DACH2: variants seen among roughly 807,000 people sequenced by gnomAD.
DACH2 encodes dachshund family transcription factor 2.
A neutral mutation model predicts 35.8 loss-of-function variants in DACH2; 17 were observed. The ratio of observed to expected loss-of-function variants is 0.48; its 90% CI spans 0.33 to 0.71. DACH2 has a LOEUF of 0.71. DACH2 is among the 30% of genes least tolerant of loss of function. DACH2 has a pLI of 0.02. For synonymous variants in DACH2, 195 were observed against 177.3 expected, an observed-to-expected ratio of 1.10 and a Z score of -0.79; for missense variants, 469 against 472.7, an observed-to-expected ratio of 0.99 and a Z score of 0.07.
intron 1 of DACH2, among the ~76,000 whole-genome samples, chrX:86,202,929 C>A (rs1180392105): frequency 9.0e-6 from 1 of 111,206 alleles, no homozygotes; most frequent in African/African-American, 3.3e-5. Context: ...GTTGTCTAAT[C>A]GGATTGATTA....
At chrX:86,642,738 C>A (rs1395384730) in intron 3 of DACH2, among the ~76,000 whole-genome samples, 4 of 111,459 alleles carry the variant, frequency 3.6e-5, no homozygotes, top group Non-Finnish European at 7.6e-5. Context: ...GGAAAAGAAC[C>A]AAAATCATTC....
intron 2 of DACH2, among the ~76,000 whole-genome samples, chrX:86,429,600 A>C (rs1237059798): frequency 1.0e-5 from 1 of 100,180 alleles, no homozygotes; most frequent in East Asian, 4.1e-4. Context: ...TGGGTCTGTC[A>C]CCCAGGCTGG....
At chrX:86,181,192 T>TATC (rs1299590921) in intron 1 of DACH2, among the ~76,000 whole-genome samples, 1 of 58,065 alleles carries the variant, frequency 1.7e-5, no homozygotes, top group African/African-American at 9.1e-5. Flanking sequence ...ATCTATCTAT[T>TATC]TTTCAAATTA....
At position 86,471,157 on chromosome X, in the gene DACH2, A is replaced by T. The variant is rs182187813; in HGVS notation, c.528-43122A>T. Among the ~76,000 whole-genome samples the T allele has an allele frequency of 3.4e-4, 38 of 111,773 alleles. 1 individual carries two copies. The East Asian group carries it at 0.011, about 32-fold the overall frequency. The stretch of plus-strand genomic sequence containing the variant: ...TCAGTTCATACATTCCTAGCATAAA[A>T]TATTTTATATTATCCTTCAAATATG... On this transcript the variant is annotated intron_variant, in intron 2 of 11. Transcript: ENST00000373125.
chrX:86,645,547 T>C (rs2040405168), intron 3 of DACH2, among the ~76,000 whole-genome samples: 1 of 110,818 alleles, frequency 9.0e-6, no homozygotes, highest in Admixed American at 9.6e-5. Context: ...ATGCTATTAC[T>C]GGGTATATAC....
chrX:86,620,147 A>T (rs768142818), intron 3 of DACH2, among the ~76,000 whole-genome samples: 44 of 112,046 alleles, frequency 3.9e-4, no homozygotes, highest in Non-Finnish European at 7.5e-4. Context: ...TTAGGCCTTA[A>T]GTTACTGAAA....
intron 1 of DACH2, among the ~76,000 whole-genome samples, chrX:86,312,089 G>C (rs2034813606): frequency 8.9e-6 from 1 of 111,958 alleles, no homozygotes; most frequent in South Asian, 3.8e-4. Flanking sequence ...ATGGGTAGTA[G>C]AAGAAGGTAG....
At chrX:86,344,398 C>T (rs1190481006) in intron 1 of DACH2, among the ~76,000 whole-genome samples, 1 of 107,479 alleles carries the variant, frequency 9.3e-6, no homozygotes, top group East Asian at 3.0e-4. Flanking sequence ...TGTTTTCAGT[C>T]CTCTTGTTAA....
intron 7 of DACH2, among the ~76,000 whole-genome samples, chrX:86,796,084 C>T (rs994688884): frequency 1.8e-5 from 2 of 111,927 alleles, no homozygotes; most frequent in Non-Finnish European, 3.8e-5. Context: ...TTTGGCCCTG[C>T]TCACATTCTG....
chrX:86,150,499 G>A (rs1295768545), intron 1 of DACH2, among the ~76,000 whole-genome samples: 2 of 111,670 alleles, frequency 1.8e-5, no homozygotes, highest in Non-Finnish European at 1.9e-5. Context: ...AACTTACAAG[G>A]GAAGCTTTTT....
chrX:86,624,363 T>C (rs1179780865), intron 3 of DACH2, among the ~76,000 whole-genome samples: 3 of 112,107 alleles, frequency 2.7e-5, no homozygotes, highest in Non-Finnish European at 3.8e-5. Flanking sequence ...ATGAGGTACA[T>C]GGCAATTTAA....
chrX:86,349,003 A>T (rs756101223), intron 1 of DACH2, among the ~76,000 whole-genome samples: 24 of 112,583 alleles, frequency 2.1e-4, no homozygotes, highest in Non-Finnish European at 2.4e-4. Context: ...TAGTTTTGCC[A>T]TCTGTAGGCA....
chrX:86,455,766 C>T (rs2037463979), intron 2 of DACH2, among the ~76,000 whole-genome samples: 1 of 112,451 alleles, frequency 8.9e-6, no homozygotes, highest in Non-Finnish European at 1.9e-5. Flanking sequence ...GCCAGCGGAT[C>T]TTAACTTTTG....
intron 7 of DACH2, among the ~76,000 whole-genome samples, chrX:86,746,344 G>A (rs1356295837): frequency 9.0e-6 from 1 of 111,292 alleles, no homozygotes; most frequent in Non-Finnish European, 1.9e-5. Context: ...TTGCCAAAGT[G>A]GATGCAGCCG....
Position 86,548,228 on chromosome X carries a change from T to C in DACH2, c.640+33837T>C, listed in dbSNP as rs1342850112. The stretch of plus-strand genomic sequence containing the variant: ...ACTTTCTGATCTAGTAGTGTTAAAA[T>C]ATTTTAGATTTCCAATTCATTTAAC... On this transcript the variant is annotated intron_variant, in intron 3 of 11. Transcript: ENST00000373125. 2.7e-5 allele frequency among the ~76,000 whole-genome samples: 3 copies of C among 111,967 alleles called. No homozygotes were observed. The Admixed American group carries it at 2.9e-4, about 11-fold the overall frequency.
chrX:86,156,443 C>A (rs763628833), intron 1 of DACH2, among the ~76,000 whole-genome samples: 1 of 111,255 alleles, frequency 9.0e-6, no homozygotes, highest in African/African-American at 3.2e-5. Flanking sequence ...TTAAAGTATG[C>A]AGTTATTGAA....
intron 1 of DACH2, among the ~76,000 whole-genome samples, chrX:86,209,852 A>G (rs1297164156): frequency 9.0e-6 from 1 of 111,212 alleles, no homozygotes; most frequent in Non-Finnish European, 1.9e-5. Flanking sequence ...CAGAGTGATA[A>G]ATATAGAAAT....
rs374844707 is a variant in DACH2 at position 86,514,289 on chromosome X, G to A, written c.538G>A (p.Gly180Ser). 128 of 1,208,471 alleles carry A rather than the reference G, an allele frequency of 1.1e-4. No homozygotes were observed. Among genetic ancestry groups the A allele is most frequent in the Non-Finnish European group, 1.3e-4 (117 of 894,500 alleles). Residue 180 changes from glycine to serine, a missense_variant, in exon 3 of 12, where the codon GGC (glycine) becomes AGC (serine). By Grantham distance (56) the Gly-to-Ser change is moderately conservative (BLOSUM62 0). This residue lies in a region of DACH2 where 363 missense variants were observed against 334.4 expected (regional missense o/e 1.09). Coordinates refer to ENST00000373125, the MANE Select transcript of DACH2 (RefSeq NM_053281.3). ...TCTGTTTTTCAACAGTTCAAGACCC[G>A]GCAGGCCCCCTAAGCGTTCTTTGGG... ...RKQAVNSSRP[G>S]RPPKRSLGVL... is the part of the protein sequence containing the mutation.
At chrX:86,676,043 T>C (rs2148428758) in intron 4 of DACH2, among the ~76,000 whole-genome samples, 1 of 112,024 alleles carries the variant, frequency 8.9e-6, no homozygotes, top group East Asian at 2.8e-4. Flanking sequence ...TCAGACTAGC[T>C]GAGCATAGTA....
Sources: allele counts gnomAD v4.1 joint callset (sites outside exome capture counted in the v4.1 genomes callset), GRCh38; gene constraint gnomAD v4.1.1; regional missense constraint gnomAD v4.1.1; transcripts MANE v1.5; gene names NCBI Gene and HGNC (gene_info 2026-07-23, HGNC 2026-07-21).